Variants in MTCL1 observed in about 807,000 individuals in gnomAD.
The protein encoded by MTCL1 is microtubule crosslinking factor 1.
In MTCL1, 79 loss-of-function variants were observed where a neutral mutation model predicts 141.4. The ratio of observed to expected loss-of-function variants is 0.56; its 90% CI spans 0.47 to 0.67. MTCL1 has a LOEUF of 0.67. Ranked by LOEUF, MTCL1 falls within the 30% of genes least tolerant of loss-of-function variation. The pLI is 0.00. For synonymous variants in MTCL1, 914 were observed against 875.8 expected (o/e 1.04, Z -0.77); for missense variants, 2,177 against 2,113.9 (o/e 1.03, Z -0.59).
intron 4 of MTCL1, among the ~76,000 whole-genome samples, chr18:8,754,617 A>G (rs898817538): frequency 6.6e-6 from 1 of 152,162 alleles, no homozygotes; most frequent in Non-Finnish European, 1.5e-5. Context: ...TAAGATTTTG[A>G]TGGAATCTTA....
At chr18:8,797,902 A>C (rs1457312351) in intron 9 of MTCL1, among the ~76,000 whole-genome samples, 195 bp from the exon 9 acceptor site, 1 of 152,256 alleles carries the variant, frequency 6.6e-6, no homozygotes, top group Non-Finnish European at 1.5e-5. Context: ...TAAGCTGAGC[A>C]TCCACCCTGT....
intron 4 of MTCL1, among the ~76,000 whole-genome samples, chr18:8,765,054 A>G (rs1414149238): frequency 6.6e-6 from 1 of 152,200 alleles, no homozygotes; most frequent in African/African-American, 2.4e-5. Context: ...AACTTGTGGC[A>G]AGAAGAACAA....
chr18:8,714,867 A>G (rs188035751), upstream of MTCL1, among the ~76,000 whole-genome samples: 587 of 150,794 alleles, frequency 3.9e-3, 2 homozygotes, highest in Non-Finnish European at 5.8e-3. Flanking sequence ...CGCGATTTCC[A>G]CTCACTGCAA....
At chr18:8,803,159 T>TA (rs34017267) in intron 10 of MTCL1, among the ~76,000 whole-genome samples, 27 of 145,390 alleles carry the variant, frequency 1.9e-4, no homozygotes, top group East Asian at 1.4e-3. Context: ...AGGTAAAGTT[T>TA]AAAAAAAAAA....
chr18:8,794,255 G>A (rs746699177), intron 8 of MTCL1, among the ~76,000 whole-genome samples: 16 of 152,218 alleles, frequency 1.1e-4, no homozygotes, highest in Non-Finnish European at 2.1e-4. Context: ...CATGGCCCAC[G>A]TGTTTCTAGT....
At chr18:8,781,442 C>G (rs1007257473) in intron 5 of MTCL1, among the ~76,000 whole-genome samples, 1 of 152,064 alleles carries the variant, frequency 6.6e-6, no homozygotes, top group Non-Finnish European at 1.5e-5. Flanking sequence ...CCAACCAAAT[C>G]CTTCATGTGA....
intron 7 of MTCL1, among the ~76,000 whole-genome samples, chr18:8,791,291 C>T (rs928066457): frequency 3.3e-5 from 5 of 152,080 alleles, no homozygotes; most frequent in Admixed American, 6.5e-5. Context: ...AGTGGGAGGA[C>T]TGAAGCTGGC....
intron 16 of MTCL1, chr18:8,829,341 C>T: frequency 1.0e-6 from 1 of 985,358 alleles, no homozygotes; most frequent in Non-Finnish European, 1.2e-6. Flanking sequence ...CAGGACTGGT[C>T]AACATTTTGG....
At chr18:8,715,071 C>T (rs1348359905), upstream of MTCL1, among the ~76,000 whole-genome samples, 1 of 152,198 alleles carries the variant, frequency 6.6e-6, no homozygotes, top group African/African-American at 2.4e-5. Context: ...GCTGGGATTA[C>T]AGGCGTGAGC....
intron 5 of MTCL1, chr18:8,778,096 G>A (rs530062245): frequency 1.5e-5 from 7 of 467,482 alleles, no homozygotes; most frequent in African/African-American, 1.2e-4. Context: ...TCTCCCTCAC[G>A]CTGACAAGCT....
intron 8 of MTCL1, among the ~76,000 whole-genome samples, chr18:8,794,211 A>G (rs2075833904): frequency 6.6e-6 from 1 of 152,220 alleles, no homozygotes; most frequent in Non-Finnish European, 1.5e-5. Context: ...TTGAAAAGTG[A>G]GTTTATCACT....
intron 4 of MTCL1, among the ~76,000 whole-genome samples, chr18:8,761,169 A>G (rs1317743211): frequency 6.6e-6 from 1 of 152,188 alleles, no homozygotes. Context: ...CTTGGCCATA[A>G]AAGGAGAGGA....
intron 10 of MTCL1, chr18:8,800,746 G>A (rs1231398945): frequency 6.6e-6 from 1 of 152,244 alleles, no homozygotes; most frequent in Non-Finnish European, 1.5e-5. Flanking sequence ...ATGCTGATTA[G>A]TAATTCCTGG....
chr18:8,809,865 C>T, intron 11 of MTCL1: 1 of 402,662 alleles, frequency 2.5e-6, no homozygotes, highest in Non-Finnish European at 4.6e-6. Context: ...GATGTATATA[C>T]CTGGGTGTGA....
At chr18:8,766,915 C>T (rs2096462362) in intron 4 of MTCL1, among the ~76,000 whole-genome samples, 1 of 152,228 alleles carries the variant, frequency 6.6e-6, no homozygotes, top group South Asian at 2.1e-4. Context: ...CCAGCCCTCA[C>T]TGGCTGACCC....
At chr18:8,736,994 A>G (rs1598437052) in intron 4 of MTCL1, among the ~76,000 whole-genome samples, 1 of 152,024 alleles carries the variant, frequency 6.6e-6, no homozygotes, top group East Asian at 1.9e-4. Flanking sequence ...AAATATTCCT[A>G]CCTGAGTAGA....
At chr18:8,778,252 G>A (rs1417477370) in intron 5 of MTCL1, among the ~76,000 whole-genome samples, 1 of 152,224 alleles carries the variant, frequency 6.6e-6, no homozygotes, top group African/African-American at 2.4e-5. Flanking sequence ...CTGTGGTGTC[G>A]AGTCATTCAT....
rs557365434 is a variant in MTCL1, at chr18:8,755,165, G to T, written c.358-22668G>T. Among the ~76,000 whole-genome samples the T allele has an allele frequency of 3.9e-5, 6 of 152,296 alleles. No homozygotes were observed. In the South Asian group the frequency reaches 8.3e-4, roughly 21 times the overall value. On this transcript the variant is annotated intron_variant, in intron 4 of 16. Transcript: ENST00000359865. ...ATGGTAACTTCTTAATGCATAGGAC[G>T]ACTGTGGCTCAGCGCCACCAAAGGA...
intron 10 of MTCL1, among the ~76,000 whole-genome samples, chr18:8,801,427 C>G (rs2076119348): frequency 6.6e-6 from 1 of 152,038 alleles, no homozygotes; most frequent in African/African-American, 2.4e-5. Context: ...GGGAGGCCTC[C>G]CCTATAAGGC....
Sources: gnomAD v4.1 joint callset for allele counts (sites outside exome capture counted in the v4.1 genomes callset) on GRCh38, gnomAD v4.1.1 for gene constraint, MANE v1.5 for transcripts, NCBI Gene and HGNC (gene_info 2026-07-23, HGNC 2026-07-21) for gene names.